Variants in USH2A observed in about 807,000 individuals in gnomAD.
USH2A encodes usherin.
USH2A carries 443 observed loss-of-function variants against 538.9 expected under a neutral mutation model. The ratio of observed to expected loss-of-function variants is 0.82; its 90% CI spans 0.76 to 0.89. The LOEUF is 0.89. Among genes scored for constraint, USH2A ranks in the 40% least tolerant of loss-of-function variants. The pLI is 0.00. For synonymous variants in USH2A, 2,413 were observed against 2,273.5 expected (o/e 1.06, Z -1.75); for missense variants, 6,633 against 6,324.8 (o/e 1.05, Z -1.65).
chr1:215,720,240 C>T (rs1435408640), intron 61 of USH2A, among the ~76,000 whole-genome samples: 1 of 152,120 alleles, frequency 6.6e-6, no homozygotes, highest in Non-Finnish European at 1.5e-5. Context: ...TTTCCCACTT[C>T]AGGGAGGGAA....
intron 3 of USH2A, among the ~76,000 whole-genome samples, chr1:216,399,142 G>A (rs1338569477): frequency 6.6e-6 from 1 of 152,150 alleles, no homozygotes; most frequent in Non-Finnish European, 1.5e-5. Context: ...CCCCGGCTCT[G>A]GCAGGGCCCC....
At chr1:216,279,188 C>A (rs1220363371) in intron 11 of USH2A, among the ~76,000 whole-genome samples, 1 of 152,010 alleles carries the variant, frequency 6.6e-6, no homozygotes, top group South Asian at 2.1e-4. Flanking sequence ...TATATAATTA[C>A]AACTATATTT....
chr1:216,213,583 C>T (rs1360551633), intron 15 of USH2A, among the ~76,000 whole-genome samples: 1 of 151,732 alleles, frequency 6.6e-6, no homozygotes, highest in African/African-American at 2.4e-5. Flanking sequence ...ATGTACAAAA[C>T]TAATTCAAAT....
In USH2A at chr1:216,070,649, C is replaced by G. The variant is rs1303220905; in HGVS notation, c.5858-357G>C. Among the ~76,000 whole-genome samples the G allele has an allele frequency of 2.0e-5, 3 of 151,828 alleles. No individual in the cohort carries two copies. In the East Asian group the frequency reaches 5.8e-4, roughly 29 times the overall value. ...ATATAATGATGTACCCCCTTTGAAG[C>G]AAGATAATTAGACTGTTATTATACA... On this transcript the variant is annotated intron_variant, in intron 29 of 71. Coordinates refer to ENST00000307340, the MANE Select transcript of USH2A (RefSeq NM_206933.4).
chr1:215,831,963 GAAT>G (rs1485178989), intron 47 of USH2A, among the ~76,000 whole-genome samples: 11 of 151,968 alleles, frequency 7.2e-5, no homozygotes, highest in African/African-American at 2.6e-4. Flanking sequence ...AGAAATGAAA[GAAT>G]AAAATCAATT....
At chr1:216,180,909 A>C (rs1011260345) in intron 20 of USH2A, among the ~76,000 whole-genome samples, 1 of 152,106 alleles carries the variant, frequency 6.6e-6, no homozygotes, top group Non-Finnish European at 1.5e-5. Flanking sequence ...GCAAACAAGA[A>C]GTCCAGGTCA....
At chr1:216,149,141 T>G (rs2033777993) in intron 21 of USH2A, among the ~76,000 whole-genome samples, 1 of 152,168 alleles carries the variant, frequency 6.6e-6, no homozygotes, top group African/African-American at 2.4e-5. Flanking sequence ...GTAGCCTTTC[T>G]GTCCAAACAA....
intron 38 of USH2A, among the ~76,000 whole-genome samples, chr1:215,912,777 G>T (rs1335865867): frequency 6.6e-6 from 1 of 151,906 alleles, no homozygotes; most frequent in Non-Finnish European, 1.5e-5. Flanking sequence ...AGTACCCAAA[G>T]GTTATTTTTT....
chr1:215,896,789 G>A (rs533077811), intron 40 of USH2A, among the ~76,000 whole-genome samples: 1 of 152,188 alleles, frequency 6.6e-6, no homozygotes, highest in Admixed American at 6.5e-5. Flanking sequence ...ATAATCTTAG[G>A]ACATTTTTGC....
chr1:216,290,537 T>C (rs1196547651), intron 10 of USH2A, among the ~76,000 whole-genome samples: 1 of 152,162 alleles, frequency 6.6e-6, no homozygotes, highest in African/African-American at 2.4e-5. Context: ...TCTTACAGTC[T>C]AGGAGGTAAG....
chr1:216,290,843 A>G (rs1251999398), intron 10 of USH2A, among the ~76,000 whole-genome samples: 1 of 152,144 alleles, frequency 6.6e-6, no homozygotes, highest in Non-Finnish European at 1.5e-5. Context: ...TGCTCAAGCT[A>G]GAATGTAATG....
At chr1:216,003,257 C>A (rs1245800132) in intron 32 of USH2A, among the ~76,000 whole-genome samples, 1 of 151,990 alleles carries the variant, frequency 6.6e-6, no homozygotes, top group Admixed American at 6.6e-5. Context: ...ATCCTCCATC[C>A]CTAGTTAGGG....
At chr1:215,740,684 CTA>C (rs551937496) in intron 60 of USH2A, among the ~76,000 whole-genome samples, 124 of 152,272 alleles carry the variant, frequency 8.1e-4, no homozygotes, top group Non-Finnish European at 1.3e-3. Flanking sequence ...TCTGGAAAGA[CTA>C]TGTTTTCTTG....
At chr1:215,754,861 T>C (rs1284660688) in intron 58 of USH2A, among the ~76,000 whole-genome samples, 1 of 152,216 alleles carries the variant, frequency 6.6e-6, no homozygotes, top group Non-Finnish European at 1.5e-5. Context: ...ATCCATGTTT[T>C]TGGTAAATCA....
intron 11 of USH2A, among the ~76,000 whole-genome samples, chr1:216,256,964 C>A (rs2036271858): frequency 6.6e-6 from 1 of 151,850 alleles, no homozygotes; most frequent in African/African-American, 2.4e-5. Flanking sequence ...TTTTCCCCCT[C>A]TTAATTATTG....
intron 38 of USH2A, among the ~76,000 whole-genome samples, chr1:215,905,360 A>G (rs546123090): frequency 6.6e-6 from 1 of 152,210 alleles, no homozygotes; most frequent in South Asian, 2.1e-4. Flanking sequence ...CTGCATTAAA[A>G]TATCAAATAA....
chr1:215,805,912 C>A (rs543829369), intron 49 of USH2A, among the ~76,000 whole-genome samples: 1 of 149,696 alleles, frequency 6.7e-6, no homozygotes, highest in East Asian at 2.0e-4. Flanking sequence ...ACAAAAACAA[C>A]TTTCAATATT....
At chr1:216,085,727 T>C (rs2032109645) in intron 24 of USH2A, among the ~76,000 whole-genome samples, 1 of 151,208 alleles carries the variant, frequency 6.6e-6, no homozygotes, top group South Asian at 2.1e-4. Context: ...TGAGTGTGTG[T>C]GTGTGTGTGT....
chr1:215,644,974 G>A (rs1256132568), intron 67 of USH2A, among the ~76,000 whole-genome samples: 1 of 152,228 alleles, frequency 6.6e-6, no homozygotes, highest in Non-Finnish European at 1.5e-5. Context: ...GAGTAATGAA[G>A]TGGATGAAGT....
Sources: allele counts gnomAD v4.1 joint callset (sites outside exome capture counted in the v4.1 genomes callset), GRCh38; gene constraint gnomAD v4.1.1; transcripts MANE v1.5; gene names NCBI Gene and HGNC (gene_info 2026-07-23, HGNC 2026-07-21).